Variants in NBAS observed in about 807,000 individuals in gnomAD.
NBAS encodes NBAS subunit of NRZ tethering complex, also known as NAG/BC035112 fusion.
Under a neutral mutation model 302.5 loss-of-function variants are expected in NBAS, and 219 were observed. That is an observed-to-expected ratio of 0.72 (90% CI 0.65 to 0.81). The LOEUF (loss-of-function observed/expected upper bound fraction) is 0.81. NBAS is among the 30% of genes least tolerant of loss of function. The pLI is 0.00. For synonymous variants in NBAS, 1,118 were observed against 1,021.6 expected (o/e 1.09, Z -1.80); for missense variants, 2,932 against 2,841.6 (o/e 1.03, Z -0.72).
At chr2:15,458,945 T>C (rs1679379261) in intron 21 of NBAS, among the ~76,000 whole-genome samples, 1 of 152,160 alleles carries the variant, frequency 6.6e-6, no homozygotes, top group South Asian at 2.1e-4. Context: ...CCCCAAACAA[T>C]GATTCAAAAT....
At chr2:15,495,315 T>A (rs2890488) in intron 11 of NBAS, among the ~76,000 whole-genome samples, 96,893 of 151,976 alleles carry the variant, frequency 0.64, 31,613 homozygotes, top group Non-Finnish European at 0.68. Context: ...TTTCTGCCTT[T>A]AAAAGCAAAC....
the NBAS span, among the ~76,000 whole-genome samples, chr2:14,922,935 G>C: frequency 1.3e-5 from 2 of 152,264 alleles, no homozygotes; most frequent in African/African-American, 4.8e-5. Flanking sequence ...GGTGGATCAA[G>C]AGGTCAGGAG....
At chr2:15,469,753 C>T (rs1444589452) in intron 16 of NBAS, among the ~76,000 whole-genome samples, 4 of 148,592 alleles carry the variant, frequency 2.7e-5, no homozygotes, top group East Asian at 4.0e-4. Flanking sequence ...AACCAAACAC[C>T]GCATGTTCTC....
At chr2:15,510,823 G>A (rs987714138) in intron 10 of NBAS, among the ~76,000 whole-genome samples, 1 of 152,008 alleles carries the variant, frequency 6.6e-6, no homozygotes, top group Non-Finnish European at 1.5e-5. Flanking sequence ...CAACAGACTC[G>A]GGCCAGTAAC....
At chr2:15,327,006 G>A (rs1030511188) in intron 38 of NBAS, among the ~76,000 whole-genome samples, 14 of 152,072 alleles carry the variant, frequency 9.2e-5, no homozygotes, top group African/African-American at 2.7e-4. Flanking sequence ...GTTAACAGAC[G>A]GCACTGCCCA....
At chr2:14,949,410 T>G in the NBAS span, among the ~76,000 whole-genome samples, 4 of 152,214 alleles carry the variant, frequency 2.6e-5, no homozygotes, top group East Asian at 5.8e-4. Flanking sequence ...AATAACATAA[T>G]TTTAAAATGG....
chr2:15,149,943 C>T, the NBAS span, among the ~76,000 whole-genome samples: 1 of 151,882 alleles, frequency 6.6e-6, no homozygotes, highest in African/African-American at 2.4e-5. Flanking sequence ...GGTGCAGTGG[C>T]TCACATCTGT....
At chr2:15,456,520 C>T (rs1558356661) in intron 21 of NBAS, among the ~76,000 whole-genome samples, 1 of 152,224 alleles carries the variant, frequency 6.6e-6, no homozygotes, top group East Asian at 1.9e-4. Context: ...GTTCTCAGTA[C>T]TGCAGCTACA....
chr2:15,215,186 G>A (rs1008844942), intron 48 of NBAS, among the ~76,000 whole-genome samples: 2 of 151,974 alleles, frequency 1.3e-5, no homozygotes, highest in African/African-American at 4.8e-5. Flanking sequence ...CCCAAGCTGG[G>A]GCATATTTCT....
At chr2:15,257,824 C>T (rs1668671547) in intron 44 of NBAS, among the ~76,000 whole-genome samples, 1 of 152,156 alleles carries the variant, frequency 6.6e-6, no homozygotes, top group South Asian at 2.1e-4. Context: ...TCTGCTATGG[C>T]AAAACTTCTC....
intron 28 of NBAS, among the ~76,000 whole-genome samples, chr2:15,391,989 T>A: frequency 6.8e-6 from 1 of 147,378 alleles, no homozygotes; most frequent in African/African-American, 2.5e-5. Flanking sequence ...CAAACAAAGA[T>A]GTACAAATGA....
At chr2:15,341,555 G>T (rs1672853961) in intron 35 of NBAS, among the ~76,000 whole-genome samples, 1 of 151,674 alleles carries the variant, frequency 6.6e-6, no homozygotes, top group South Asian at 2.1e-4. Context: ...AATAACAATA[G>T]ATAAAAAACA....
At chr2:14,957,898 T>C in the NBAS span, among the ~76,000 whole-genome samples, 21 of 152,138 alleles carry the variant, frequency 1.4e-4, no homozygotes, top group African/African-American at 4.6e-4. Context: ...ATAGCAACAT[T>C]TGGGGACATG....
At chr2:14,876,521 C>A in the NBAS span, among the ~76,000 whole-genome samples, 1 of 152,190 alleles carries the variant, frequency 6.6e-6, no homozygotes, top group Admixed American at 6.5e-5. Context: ...ACATGGATAT[C>A]CAACTAAATG....
At chr2:15,547,994 A>C (rs1664195875) in intron 6 of NBAS, among the ~76,000 whole-genome samples, 1 of 152,226 alleles carries the variant, frequency 6.6e-6, no homozygotes, top group Admixed American at 6.5e-5. Flanking sequence ...ATACATAAGG[A>C]ATAAAAAATA....
At chr2:15,501,652 G>A (rs1661565518) in intron 11 of NBAS, among the ~76,000 whole-genome samples, 1 of 145,628 alleles carries the variant, frequency 6.9e-6, no homozygotes, top group African/African-American at 2.5e-5. Context: ...TGCAGTGGCA[G>A]GATCTCGGCT....
At chr2:15,205,831 C>A (rs943657833) in intron 48 of NBAS, among the ~76,000 whole-genome samples, 5 of 152,144 alleles carry the variant, frequency 3.3e-5, no homozygotes, top group Non-Finnish European at 7.3e-5. Flanking sequence ...CCTTTACCTT[C>A]TGTCATGATT....
At chr2:15,375,012 G>C (rs917228567) in intron 30 of NBAS, among the ~76,000 whole-genome samples, 2 of 152,100 alleles carry the variant, frequency 1.3e-5, no homozygotes, top group Non-Finnish European at 2.9e-5. Flanking sequence ...TCATAACTCT[G>C]TGTTCAGTGC....
In NBAS at chr2:15,370,406, C is replaced by T. The variant is rs553911666; in HGVS notation, c.3704-3713G>A. Among the ~76,000 whole-genome samples, 5 of 152,296 alleles carry T rather than the reference C, an allele frequency of 3.3e-5. No individual in the cohort carries two copies. In the South Asian group the frequency reaches 1.0e-3, roughly 32 times the overall value. ...CCTCCTAGGACAAGTGATCCTCCTG[C>T]CTCAGCACTCCAAGTAGCTGGGACT... On this transcript the variant is annotated intron_variant, in intron 31 of 51. Transcript: ENST00000281513.
Sources: gnomAD v4.1 joint callset for allele counts (sites outside exome capture counted in the v4.1 genomes callset) on GRCh38, gnomAD v4.1.1 for gene constraint, MANE v1.5 for transcripts, NCBI Gene and HGNC (gene_info 2026-07-23, HGNC 2026-07-21) for gene names.